GRIP1: variants seen among roughly 807,000 people sequenced by gnomAD.
GRIP1 encodes glutamate receptor interacting protein 1, also known as glutamate receptor-interacting protein 1.
GRIP1 carries 45 observed loss-of-function variants against 129.9 expected under a neutral mutation model. That is an observed-to-expected ratio of 0.35 (90% CI 0.27 to 0.44). GRIP1 has a LOEUF of 0.44. Among genes scored for constraint, GRIP1 ranks in the 20% least tolerant of loss-of-function variants. The pLI, the probability that GRIP1 is intolerant of heterozygous loss-of-function variation, is 1.00. For missense variants in GRIP1, 1,196 were observed against 1,396.8 expected (o/e 0.86, Z 2.29); for synonymous variants, 530 against 520.8 (o/e 1.02, Z -0.24).
At chr12:66,801,892 C>T (rs181517647) in intron 1 of GRIP1, among the ~76,000 whole-genome samples, 164 of 152,154 alleles carry the variant, frequency 1.1e-3, no homozygotes, top group Middle Eastern at 6.8e-3. Context: ...TAAGCCGTCT[C>T]GAGAAACACA....
At chr12:66,362,521 C>T (rs936517293) in intron 23 of GRIP1, among the ~76,000 whole-genome samples, 6 of 151,830 alleles carry the variant, frequency 4.0e-5, no homozygotes, top group Admixed American at 2.6e-4. Flanking sequence ...AGGAGGAGGA[C>T]GATAGGACTG....
chr12:66,819,632 G>T (rs1023689596), intron 1 of GRIP1, among the ~76,000 whole-genome samples: 1 of 152,116 alleles, frequency 6.6e-6, no homozygotes, highest in Non-Finnish European at 1.5e-5. Context: ...ATGTCAAAAG[G>T]TCTAACTAAA....
intron 1 of GRIP1, among the ~76,000 whole-genome samples, chr12:66,832,736 T>C (rs1482151760): frequency 6.6e-6 from 1 of 152,192 alleles, no homozygotes. Flanking sequence ...TAGGCAAATC[T>C]TTAAAAATGG....
chr12:66,943,497 A>G (rs1189994435), intron 1 of GRIP1, among the ~76,000 whole-genome samples: 1 of 152,256 alleles, frequency 6.6e-6, no homozygotes, highest in East Asian at 1.9e-4. Context: ...CCTTATTTAA[A>G]AGACAGCATT....
chr12:66,427,503 G>C (rs1565727417), intron 14 of GRIP1, among the ~76,000 whole-genome samples: 1 of 152,260 alleles, frequency 6.6e-6, no homozygotes, highest in East Asian at 1.9e-4. Flanking sequence ...TAAGCAAGAA[G>C]ATACAATACT....
intron 1 of GRIP1, among the ~76,000 whole-genome samples, chr12:66,761,175 C>T (rs2037463660): frequency 6.6e-6 from 1 of 151,988 alleles, no homozygotes; most frequent in South Asian, 2.1e-4. Flanking sequence ...AGATCCTTCG[C>T]TAAATCTTGC....
chr12:66,981,876 G>A (rs552743210), intron 1 of GRIP1, among the ~76,000 whole-genome samples: 17 of 152,264 alleles, frequency 1.1e-4, no homozygotes, highest in African/African-American at 4.1e-4. Context: ...AAATGAGAAA[G>A]CAAAATGCCT....
chr12:66,798,448 C>T (rs560486163), intron 1 of GRIP1, among the ~76,000 whole-genome samples: 62 of 152,252 alleles, frequency 4.1e-4, no homozygotes, highest in African/African-American at 1.4e-3. Context: ...AGCAACTTAA[C>T]ATATAACTTA....
chr12:66,765,644 C>T (rs1318060432), intron 1 of GRIP1, among the ~76,000 whole-genome samples: 1 of 152,192 alleles, frequency 6.6e-6, no homozygotes, highest in Non-Finnish European at 1.5e-5. Flanking sequence ...ATGGCTTCTC[C>T]ACTGTGGAAC....
intron 1 of GRIP1, among the ~76,000 whole-genome samples, chr12:66,666,361 A>T (rs1299838134): frequency 6.6e-6 from 1 of 152,180 alleles, no homozygotes; most frequent in African/African-American, 2.4e-5. Flanking sequence ...TTTTAAAAAC[A>T]TGACACATTT....
chr12:66,935,638 AT>A (rs1230100185), intron 1 of GRIP1, among the ~76,000 whole-genome samples: 4 of 152,182 alleles, frequency 2.6e-5, no homozygotes, highest in African/African-American at 9.6e-5. Flanking sequence ...TGATTCACAA[AT>A]TGGGCAGCCC....
chr12:66,803,032 C>G (rs2038903458), intron 1 of GRIP1, among the ~76,000 whole-genome samples: 1 of 152,170 alleles, frequency 6.6e-6, no homozygotes, highest in Non-Finnish European at 1.5e-5. Flanking sequence ...CAGTCTTCAT[C>G]AATCGCAACA....
chr12:67,033,103 T>A (rs1047258968), intron 1 of GRIP1, among the ~76,000 whole-genome samples: 1 of 151,970 alleles, frequency 6.6e-6, no homozygotes, highest in Non-Finnish European at 1.5e-5. Context: ...CCAGACAGTT[T>A]TTCCTAGGCT....
intron 2 of GRIP1, among the ~76,000 whole-genome samples, chr12:66,583,502 T>C (rs1158886830): frequency 1.3e-4 from 16 of 124,636 alleles, no homozygotes; most frequent in African/African-American, 1.8e-4. Flanking sequence ...TTTCGCAACC[T>C]ACTCATCTGA....
At chr12:66,820,735 G>A (rs1257745084) in intron 1 of GRIP1, among the ~76,000 whole-genome samples, 2 of 151,842 alleles carry the variant, frequency 1.3e-5, no homozygotes, top group African/African-American at 4.8e-5. Context: ...CTATTACTAA[G>A]TGAAAGAAGC....
intron 1 of GRIP1, among the ~76,000 whole-genome samples, chr12:66,737,717 T>C (rs552001087): frequency 2.6e-5 from 4 of 151,522 alleles, no homozygotes; most frequent in Non-Finnish European, 4.4e-5. Flanking sequence ...CTTGCACTCA[T>C]TTTTTTTTAC....
chr12:66,601,749 G>T (rs894299826), intron 1 of GRIP1, among the ~76,000 whole-genome samples: 3 of 152,188 alleles, frequency 2.0e-5, no homozygotes, highest in African/African-American at 7.2e-5. Context: ...CAGTGTTCAT[G>T]CATGTCCTTA....
chr12:66,724,693 C>T (rs1469944424), intron 1 of GRIP1, among the ~76,000 whole-genome samples: 1 of 152,110 alleles, frequency 6.6e-6, no homozygotes, highest in Non-Finnish European at 1.5e-5. Context: ...TTTCTGTGTC[C>T]TTTTGTCTTG....
intron 1 of GRIP1, among the ~76,000 whole-genome samples, chr12:66,722,448 C>G (rs1396524079): frequency 1.3e-5 from 2 of 152,152 alleles, no homozygotes; most frequent in Admixed American, 1.3e-4. Context: ...GGGTGCAGGT[C>G]ATGGTGCCCC....
Sources: allele counts gnomAD v4.1 joint callset (sites outside exome capture counted in the v4.1 genomes callset), GRCh38; gene constraint gnomAD v4.1.1; transcripts MANE v1.5; gene names NCBI Gene and HGNC (gene_info 2026-07-23, HGNC 2026-07-21).